Variants in ARL3 observed in about 807,000 individuals in gnomAD.
ARL3 encodes ARF like GTPase 3.
In ARL3, 9 loss-of-function variants were observed where a neutral mutation model predicts 26.0. The observed-to-expected ratio is 0.35, with a 90% confidence interval of 0.21 to 0.60. The LOEUF is 0.60. Ranked by LOEUF, ARL3 falls within the 20% of genes least tolerant of loss-of-function variation. The probability of loss-of-function intolerance (pLI) is 0.78; values close to 1 mark genes in which losing one functional copy is unlikely to be tolerated. For synonymous variants in ARL3, 71 were observed against 78.4 expected, an observed-to-expected ratio of 0.91 and a Z score of 0.50; for missense variants, 158 against 215.7, an observed-to-expected ratio of 0.73 and a Z score of 1.67.
chr10:102,702,268 A>T (rs189338486), intron 2 of ARL3, among the ~76,000 whole-genome samples: 42 of 152,190 alleles, frequency 2.8e-4, no homozygotes, highest in African/African-American at 1.0e-3. Context: ...TTTTATTTTA[A>T]ATATACCCAT....
Position 102,705,430 on chromosome 10 carries a change from A to G in ARL3, c.63T>C (p.Leu21=). 6.2e-7 allele frequency: 1 copy of G among 1,611,778 alleles called. No homozygotes were observed. Among genetic ancestry groups the G allele is most frequent in the Non-Finnish European group, 8.5e-7 (1 of 1,178,318 alleles). The change falls in exon 2 of 6, where the codon CTT becomes CTC. Residue 21 remains leucine, a synonymous_variant. Coordinates refer to ENST00000260746, the MANE Select transcript of ARL3 (RefSeq NM_004311.4). ...TGCCAGCATTATCCAAGCCCAGGAGAAGTATTCTCACCTCCTGGTCTGGTG... is the reference window on the plus strand; with the variant it reads ...TGCCAGCATTATCCAAGCCCAGGAGGAGTATTCTCACCTCCTGGTCTGGTG... ...KSAPDQEVRI[L]LLGLDNAGKT... is the part of the protein sequence containing the mutation.
rs60736499 is a variant in ARL3 at position 102,708,886 on chromosome 10, T to TAATATATATATATATATATA, written c.4-3398_4-3397insTATATATATATATATATATT. On this transcript the variant is annotated intron_variant, in intron 1 of 5. Coordinates refer to ENST00000260746, the MANE Select transcript of ARL3 (RefSeq NM_004311.4). ...CAAAAACAAAAAATAAAACCATATA[T>TAATATATATATATATATATA]TATATATATATATATATATATATTT... is the stretch of plus-strand genomic sequence containing the variant. Among the ~76,000 whole-genome samples, 22 of 90,456 alleles carry TAATATATATATATATATATA rather than the reference T, an allele frequency of 2.4e-4. 2 individuals carry two copies. Among genetic ancestry groups the TAATATATATATATATATATA allele is most frequent in the African/African-American group, 5.2e-4 (11 of 21,118 alleles). 59.3% of individuals were successfully genotyped at this position (90,456 alleles called of 152,430 possible).
At chr10:102,681,990 T>C (rs1449535794) in intron 5 of ARL3, among the ~76,000 whole-genome samples, 1 of 152,046 alleles carries the variant, frequency 6.6e-6, no homozygotes, top group Admixed American at 6.6e-5. Flanking sequence ...GATCCTTTGT[T>C]CACTATTTTC....
intron 2 of ARL3, among the ~76,000 whole-genome samples, chr10:102,700,671 G>T (rs1179398733): frequency 6.6e-6 from 1 of 151,040 alleles, no homozygotes; most frequent in Non-Finnish European, 1.5e-5. Flanking sequence ...TCACCATATT[G>T]GTCAGGCTGG....
At chr10:102,713,949 A>G (rs2064364603) in intron 1 of ARL3, among the ~76,000 whole-genome samples, 1 of 152,158 alleles carries the variant, frequency 6.6e-6, no homozygotes, top group South Asian at 2.1e-4. Flanking sequence ...TGCTCTCCGC[A>G]GTTCCTGGGA....
chr10:102,689,126 C>G (rs1444484970), intron 4 of ARL3, among the ~76,000 whole-genome samples: 1 of 151,880 alleles, frequency 6.6e-6, no homozygotes, highest in Non-Finnish European at 1.5e-5. Flanking sequence ...AGTTCAAGAC[C>G]AGCCTGGTCA....
intron 3 of ARL3, among the ~76,000 whole-genome samples, chr10:102,691,060 G>A (rs2064214621): frequency 6.6e-6 from 1 of 151,968 alleles, no homozygotes; most frequent in South Asian, 2.1e-4. Context: ...GCAAGGGTAG[G>A]CAAACTTTTT....
chr10:102,676,894 T>G lies in ARL3; in HGVS notation c.549A>C (p.Ter183TyrextTer17). The G allele has an allele frequency of 6.2e-7, 1 of 1,614,160 alleles. No individual in the cohort carries two copies. Among genetic ancestry groups the G allele is most frequent in the Non-Finnish European group, 8.5e-7 (1 of 1,179,990 alleles). Reference sequence around the variant, plus strand: ...TCCTGCATCTCCATTCGTCTAGATTTTATTTCTTCTTTGCATTGACATTTT... The same window carrying G: ...TCCTGCATCTCCATTCGTCTAGATTGTATTTCTTCTTTGCATTGACATTTT... Reference protein sequence around the residue: ...VCKNVNAKKK* With the variant: ...VCKNVNAKKKY The change falls in exon 6 of 6, where the codon TAA becomes TAC. Residue 183 changes from the stop codon to tyrosine, a stop_lost. Coordinates refer to ENST00000260746, the MANE Select transcript of ARL3 (RefSeq NM_004311.4).
chr10:102,684,110 A>G (rs1298885343), intron 5 of ARL3, among the ~76,000 whole-genome samples: 2 of 152,110 alleles, frequency 1.3e-5, no homozygotes, highest in African/African-American at 4.8e-5. Flanking sequence ...CCCCACCTTC[A>G]TAATAGCCCC....
intron 1 of ARL3, among the ~76,000 whole-genome samples, chr10:102,711,406 G>T (rs1238581465): frequency 6.6e-6 from 1 of 151,266 alleles, no homozygotes; most frequent in African/African-American, 2.4e-5. Flanking sequence ...GTGTGTGTGT[G>T]TTTTTATATA....
At chr10:102,680,030 C>G (rs1404374118) in intron 5 of ARL3, among the ~76,000 whole-genome samples, 1 of 152,110 alleles carries the variant, frequency 6.6e-6, no homozygotes, top group East Asian at 1.9e-4. Context: ...CGACTCGCTG[C>G]AAGCTCCGCC....
intron 3 of ARL3, among the ~76,000 whole-genome samples, chr10:102,691,121 C>T (rs2064215046): frequency 6.6e-6 from 1 of 152,100 alleles, no homozygotes; most frequent in Non-Finnish European, 1.5e-5. Flanking sequence ...CATACAATCT[C>T]TCTTTTTCTT....
intron 3 of ARL3, among the ~76,000 whole-genome samples, chr10:102,695,627 G>T (rs562360670): frequency 8.6e-5 from 13 of 152,004 alleles, no homozygotes; most frequent in Admixed American, 3.9e-4. Flanking sequence ...CCACCTTCCG[G>T]GTTTAAGCGA....
intron 3 of ARL3, among the ~76,000 whole-genome samples, chr10:102,695,669 C>T (rs371604247): frequency 2.6e-5 from 4 of 151,990 alleles, no homozygotes; most frequent in South Asian, 2.1e-4. Context: ...GGGCATGTGC[C>T]GCCACGCCCA....
rs117345621 is a variant in ARL3 at position 102,687,256 on chromosome 10, C to T, written c.316-1255G>A. Among the ~76,000 whole-genome samples the T allele has an allele frequency of 9.7e-3, 1,448 of 148,644 alleles. 11 individuals are homozygous for T. The highest frequency in any genetic ancestry group is 0.013 in the Non-Finnish European group (847 of 67,032). ...CACAGATCACTTTTTTTTTTTGAGA[C>T]AATATCTCACTCTGTCATCCAGGCT... On this transcript the variant is annotated intron_variant, in intron 4 of 5. Transcript: ENST00000260746.
intron 3 of ARL3, among the ~76,000 whole-genome samples, chr10:102,691,273 T>TC (rs1356716771): frequency 9.8e-5 from 5 of 50,874 alleles, no homozygotes; most frequent in Non-Finnish European, 1.8e-4. Context: ...CCCTCCCCCC[T>TC]CCCCCCACCC....
intron 3 of ARL3, among the ~76,000 whole-genome samples, chr10:102,698,080 T>C (rs1269263554): frequency 6.6e-6 from 1 of 152,196 alleles, no homozygotes; most frequent in Admixed American, 6.5e-5. Flanking sequence ...GGGCTTATTT[T>C]TTCTTCATTA....
rs1219103266 is a variant in ARL3, at chr10:102,685,868, T to A, written c.449A>T (p.Asp150Val). 1 of 1,614,012 alleles carries A rather than the reference T, an allele frequency of 6.2e-7. No individual in the cohort carries two copies. Among genetic ancestry groups the A allele is most frequent in the Non-Finnish European group, 8.5e-7 (1 of 1,180,026 alleles). ...GCAAGACTGGATCTGCCAGACTCGGTCGCGGATGGTATGCAGGTTCAGTCC... is the reference window on the plus strand; with the variant it reads ...GCAAGACTGGATCTGCCAGACTCGGACGCGGATGGTATGCAGGTTCAGTCC... ...AEGLNLHTIR[D>V]RVWQIQSCSA... The change falls in exon 5 of 6, where the codon GAC becomes GTC. Residue 150 changes from aspartate (D) to valine (V), a missense_variant. Transcript: ENST00000260746.
chr10:102,692,255 C>A (rs187375609), intron 3 of ARL3, among the ~76,000 whole-genome samples: 3 of 152,216 alleles, frequency 2.0e-5, no homozygotes, highest in Non-Finnish European at 4.4e-5. Flanking sequence ...GACTTACAAT[C>A]ATTAATGTCT....
Sources: allele counts gnomAD v4.1 joint callset (sites outside exome capture counted in the v4.1 genomes callset), GRCh38; gene constraint gnomAD v4.1.1; transcripts MANE v1.5; gene names NCBI Gene and HGNC (gene_info 2026-07-23, HGNC 2026-07-21).